TPRG1: variants seen among roughly 807,000 people sequenced by gnomAD.
The protein encoded by TPRG1 is tumor protein p63 regulated 1, also known as tumor protein p63-regulated gene 1 protein.
TPRG1 carries 29 observed loss-of-function variants against 29.3 expected under a neutral mutation model. The observed-to-expected ratio is 0.99, with a 90% confidence interval of 0.74 to 1.35. TPRG1 has a LOEUF of 1.35. Among genes scored for constraint, TPRG1 ranks in the 40% most tolerant of loss-of-function variants. The pLI is 0.00. For missense variants in TPRG1, 327 were observed against 335.0 expected (o/e 0.98, Z 0.19); for synonymous variants, 130 against 116.8 (o/e 1.11, Z -0.73).
At position 189,238,906 on chromosome 3, in the gene TPRG1, A is replaced by G; in HGVS notation, c.476A>G (p.Asp159Gly). 1 of 1,611,040 alleles carries G rather than the reference A, an allele frequency of 6.2e-7. No individual in the cohort carries two copies. The highest frequency in any genetic ancestry group is 8.5e-7 in the Non-Finnish European group (1 of 1,178,238). ...TTCACCTTCCCTGGGATGTCCCTGG[A>G]CAAGTGAGTATATATCTTATACTTG... ...GKFTFPGMSL[D>G]KRQGEGLRIY... The change falls in exon 4 of 6, where the codon GAC becomes GGC. Residue 159 changes from aspartate to glycine, a missense_variant. Asp to Gly is a moderately conservative substitution (Grantham distance 94). Coordinates refer to ENST00000345063, the MANE Select transcript of TPRG1 (RefSeq NM_198485.4).
chr3:188,999,678 T>C (rs1420041466), intron 1 of TPRG1, among the ~76,000 whole-genome samples: 2 of 152,082 alleles, frequency 1.3e-5, no homozygotes, highest in Non-Finnish European at 2.9e-5. Context: ...TGGCAAGAAA[T>C]GATAGTTATT....
intron 4 of TPRG1, among the ~76,000 whole-genome samples, chr3:189,248,877 A>T (rs1741741801): frequency 6.6e-6 from 1 of 151,192 alleles, no homozygotes; most frequent in African/African-American, 2.4e-5. Flanking sequence ...TAAATACTTA[A>T]ATGTGCTCTC....
chr3:189,180,230 A>T (rs1409744927), intron 1 of TPRG1, among the ~76,000 whole-genome samples: 1 of 152,110 alleles, frequency 6.6e-6, no homozygotes, highest in Non-Finnish European at 1.5e-5. Context: ...ACAGAGCCAA[A>T]CCATATCATT....
intron 4 of TPRG1, among the ~76,000 whole-genome samples, chr3:189,239,502 A>G (rs1478711095): frequency 6.6e-6 from 1 of 152,190 alleles, no homozygotes; most frequent in African/African-American, 2.4e-5. Context: ...AGCTAATGTA[A>G]GGAAGAAAGA....
At chr3:189,274,372 G>C (rs534140775) in intron 4 of TPRG1, among the ~76,000 whole-genome samples, 4 of 151,832 alleles carry the variant, frequency 2.6e-5, no homozygotes, top group African/African-American at 9.6e-5. Context: ...TATTTTTCCT[G>C]GATTGGGAAA....
rs571123761 is a variant in TPRG1, at chr3:189,243,183, A to G, written c.479+4274A>G. 2.2e-4 allele frequency among the ~76,000 whole-genome samples: 34 copies of G among 152,298 alleles called. 1 individual carries two copies. The South Asian group carries it at 6.8e-3, about 31-fold the overall frequency. On this transcript the variant is annotated intron_variant, in intron 4 of 5. Coordinates refer to ENST00000345063, the MANE Select transcript of TPRG1 (RefSeq NM_198485.4). ...TGGAGGCCTTAGGAAATTTCTAATC[A>G]TGGCAGAAAACAAAGGGGGAGTGAG...
intron 4 of TPRG1, among the ~76,000 whole-genome samples, chr3:189,062,827 C>A (rs1340886066): frequency 6.6e-6 from 1 of 151,756 alleles, no homozygotes; most frequent in African/African-American, 2.4e-5. Flanking sequence ...TTCATATAAC[C>A]CACAGGAAGG....
In TPRG1 at chr3:189,217,760, G is replaced by A. The variant is rs373228781; in HGVS notation, c.302+2377G>A. On this transcript the variant is annotated intron_variant, in intron 3 of 5. Coordinates refer to ENST00000345063, the MANE Select transcript of TPRG1 (RefSeq NM_198485.4). The stretch of plus-strand genomic sequence containing the variant: ...AAATGAGGTTCCTAGTCTAGCCACT[G>A]TTACTTTTCAAGCAGAAAAATAAGA... The A allele has an allele frequency of 3.2e-6, 3 of 929,370 alleles. No homozygotes were observed. In the East Asian group the frequency reaches 3.5e-4, roughly 109 times the overall value. The allele number at this position is 929,370 out of a possible 1,614,324, so 57.6% of individuals were successfully genotyped here.
chr3:189,245,449 T>C (rs1741234923), intron 4 of TPRG1, among the ~76,000 whole-genome samples: 1 of 152,278 alleles, frequency 6.6e-6, no homozygotes, highest in East Asian at 1.9e-4. Flanking sequence ...TCTTGTGATT[T>C]TCCTCTTGAC....
intron 3 of TPRG1, among the ~76,000 whole-genome samples, chr3:189,224,462 G>C (rs1310983204): frequency 6.6e-6 from 1 of 151,978 alleles, no homozygotes; most frequent in African/African-American, 2.4e-5. Context: ...CCTGGCTGTA[G>C]AGCGAGACTC....
Position 189,269,873 on chromosome 3 carries a change from TG to T in TPRG1, c.479+30966del, listed in dbSNP as rs528057071. ...TAAATTTACAAATTCTAGCATTTTT[TG>T]GTTTTGTTCTTTTTATGTCACCAGG... On this transcript the variant is annotated intron_variant, in intron 4 of 5. Transcript: ENST00000345063. Among the ~76,000 whole-genome samples, 553 of 152,310 alleles carry T rather than the reference TG, an allele frequency of 3.6e-3. 5 individuals are homozygous for T. The highest frequency in any genetic ancestry group is 0.012 in the African/African-American group (497 of 41,578).
At chr3:189,235,199 C>T (rs73889141) in intron 3 of TPRG1, among the ~76,000 whole-genome samples, 19,314 of 142,902 alleles carry the variant, frequency 0.14, 1,560 homozygotes, top group African/African-American at 0.23. Context: ...CAGGGTAGGG[C>T]GGTAAAGATG....
At chr3:189,119,322 C>G (rs1721555609) in intron 1 of TPRG1, among the ~76,000 whole-genome samples, 1 of 152,132 alleles carries the variant, frequency 6.6e-6, no homozygotes, top group Non-Finnish European at 1.5e-5. Flanking sequence ...AAGTCACTAA[C>G]CTACTTTTGA....
chr3:189,206,808 C>CGTGTGTGTGTGTGTGTGTGTGT (rs142505576), intron 1 of TPRG1, among the ~76,000 whole-genome samples: 3,437 of 147,670 alleles, frequency 0.023, 145 homozygotes, highest in African/African-American at 0.073. Context: ...GCTGAACAAC[C>CGTGTGTGTGTGTGTGTGTGTGT]GTGTGTGTGT....
intron 4 of TPRG1, among the ~76,000 whole-genome samples, chr3:189,083,646 C>G (rs533516179): frequency 6.6e-6 from 1 of 152,186 alleles, no homozygotes; most frequent in Non-Finnish European, 1.5e-5. Flanking sequence ...GAATTAACCT[C>G]CCAATTGTAT....
At chr3:189,274,611 A>C (rs1438010355) in intron 4 of TPRG1, among the ~76,000 whole-genome samples, 2 of 152,150 alleles carry the variant, frequency 1.3e-5, no homozygotes, top group South Asian at 4.1e-4. Flanking sequence ...CTCTGGTATC[A>C]GAGCACAGAA....
chr3:189,312,192 T>A (rs1294112545), intron 5 of TPRG1, among the ~76,000 whole-genome samples: 1 of 90,990 alleles, frequency 1.1e-5, no homozygotes, highest in Non-Finnish European at 2.2e-5. Flanking sequence ...TTTTTTTCTT[T>A]CTTTCTTTCT....
intron 3 of TPRG1, among the ~76,000 whole-genome samples, chr3:189,221,384 C>T (rs888172357): frequency 6.6e-6 from 1 of 152,148 alleles, no homozygotes; most frequent in African/African-American, 2.4e-5. Flanking sequence ...GCCATAATAG[C>T]CCTTCCACTG....
chr3:189,161,850 G>A (rs1727534308), intron 5 of TPRG1, among the ~76,000 whole-genome samples: 4 of 152,176 alleles, frequency 2.6e-5, no homozygotes, highest in Admixed American at 2.6e-4. Context: ...TCAAGGTGAA[G>A]GCAGATAGCT....
Sources: allele counts gnomAD v4.1 joint callset (sites outside exome capture counted in the v4.1 genomes callset), GRCh38; gene constraint gnomAD v4.1.1; transcripts MANE v1.5; gene names NCBI Gene and HGNC (gene_info 2026-07-23, HGNC 2026-07-21).